The following H6PD variants were observed in gnomAD, a reference collection of about 807,000 sequenced individuals.
The protein encoded by H6PD is GDH/6PGL endoplasmic bifunctional protein.
H6PD carries 48 observed loss-of-function variants against 61.2 expected under a neutral mutation model. The observed-to-expected ratio is 0.78, with a 90% CI of 0.62 to 1.00. The LOEUF is 1.00. H6PD is among the 50% of genes least tolerant of loss of function. H6PD has a pLI of 0.00. For missense variants in H6PD, 1,093 were observed against 1,065.0 expected (o/e 1.03, Z -0.37); for synonymous variants, 480 against 457.9 (o/e 1.05, Z -0.62).
intron 3 of H6PD, among the ~76,000 whole-genome samples, chr1:9,248,846 C>G (rs1306185800): frequency 1.3e-5 from 2 of 152,218 alleles, no homozygotes; most frequent in African/African-American, 4.8e-5. Context: ...CTCAGGGAAT[C>G]GTCCTCCAGC....
intron 3 of H6PD, among the ~76,000 whole-genome samples, chr1:9,257,815 G>A (rs1405040160): frequency 6.6e-6 from 1 of 152,238 alleles, no homozygotes; most frequent in Non-Finnish European, 1.5e-5. Context: ...TTTGAGAAAT[G>A]ATGGCTCCTC....
At position 9,269,178 on chromosome 1, in the gene H6PD, G is replaced by A. The variant is rs1638670619; in HGVS notation, c.*4309G>A. ...AGACTCTGCAAATGAGACTCCAGAG[G>A]GTGAAGATCTGCGGTCTCCAGACAT... On this transcript the variant is annotated 3_prime_UTR_variant, in exon 5 of 5. Transcript: ENST00000377403. This position sits in a 1 kb window ranked among gnomAD's most constrained non-coding sequence, Gnocchi z 4.3. The A allele has an allele frequency of 6.6e-6, 1 of 152,242 alleles. No individual in the cohort carries two copies. Among genetic ancestry groups the A allele is most frequent in the Admixed American group, 6.5e-5 (1 of 15,290 alleles). The allele number at this position is 152,242 out of a possible 1,614,324, so 9.4% of individuals were successfully genotyped here.
intron 3 of H6PD, among the ~76,000 whole-genome samples, chr1:9,261,781 C>T (rs1309044208): frequency 1.3e-5 from 2 of 152,246 alleles, no homozygotes; most frequent in African/African-American, 4.8e-5. Context: ...CTGGCCTTTG[C>T]TGGGAATAGA....
At chr1:9,253,409 C>T (rs1641428867) in intron 3 of H6PD, among the ~76,000 whole-genome samples, 1 of 152,094 alleles carries the variant, frequency 6.6e-6, no homozygotes, top group African/African-American at 2.4e-5. Flanking sequence ...TGTTGTGTTC[C>T]CTTCATCAAA....
At position 9,245,631 on chromosome 1, in the gene H6PD, G is replaced by T. The variant is rs369633008; in HGVS notation, c.627+70G>T. On this transcript the variant is annotated intron_variant, in intron 2 of 4. Coordinates refer to ENST00000377403, the MANE Select transcript of H6PD (RefSeq NM_004285.4). This position sits in a 1 kb window ranked among gnomAD's most constrained non-coding sequence, Gnocchi z 4.8. Reference sequence around the variant, plus strand: ...GCTGGTAGACCCCAGCAACAAAGCCGCTCGCTCATTGTGGAGCTAGGCCCC... The same window carrying T: ...GCTGGTAGACCCCAGCAACAAAGCCTCTCGCTCATTGTGGAGCTAGGCCCC... 1.4e-6 allele frequency: 2 copies of T among 1,471,564 alleles called. No individual in the cohort carries two copies. The highest frequency in any genetic ancestry group is 9.5e-7 in the Non-Finnish European group (1 of 1,055,264). The allele number at this position is 1,471,564 out of a possible 1,614,324, so 91.2% of individuals were successfully genotyped here. A position where few individuals can be genotyped will look rare whatever the true frequency, so the allele number is the denominator to read the frequency against.
chr1:9,252,275 T>C (rs1641390410), intron 3 of H6PD, among the ~76,000 whole-genome samples: 1 of 152,228 alleles, frequency 6.6e-6, no homozygotes, highest in African/African-American at 2.4e-5. Context: ...TACTTAAATC[T>C]CTATGTATTA....
chr1:9,245,307 G>A lies in H6PD; in HGVS notation c.373G>A (p.Glu125Lys), dbSNP rs772471798. The A allele has an allele frequency of 5.4e-5, 87 of 1,614,122 alleles. 1 individual carries two copies. The East Asian group carries it at 1.5e-3, about 28-fold the overall frequency. ...CTATCAGGCCCTGAACAAGGACATC[G>A]AGGCACAGCTCCAGCACGCAGGCCT... ...EDYQALNKDI[E>K]AQLQHAGLRE... The change falls in exon 2 of 5, where the codon GAG becomes AAG. Residue 125 changes from glutamate to lysine, a missense_variant. Glu to Lys is a moderately conservative substitution (Grantham distance 56). Coordinates refer to ENST00000377403, the MANE Select transcript of H6PD (RefSeq NM_004285.4). This position sits in a 1 kb window ranked among gnomAD's most constrained non-coding sequence, Gnocchi z 4.8.
intron 1 of H6PD, among the ~76,000 whole-genome samples, chr1:9,241,958 A>C (rs1641011807): frequency 6.6e-6 from 1 of 152,208 alleles, no homozygotes; most frequent in Non-Finnish European, 1.5e-5. Flanking sequence ...GCACACGCCG[A>C]CTACTTGGTT....
intron 1 of H6PD, among the ~76,000 whole-genome samples, chr1:9,235,982 G>C (rs1156249421): frequency 6.6e-6 from 1 of 152,140 alleles, no homozygotes; most frequent in Non-Finnish European, 1.5e-5. Context: ...ATGAAAAGCT[G>C]TCTGAGTTTT....
At chr1:9,242,294 A>G (rs1641020993) in intron 1 of H6PD, among the ~76,000 whole-genome samples, 1 of 152,152 alleles carries the variant, frequency 6.6e-6, no homozygotes, top group African/African-American at 2.4e-5. Context: ...GATCCCCAGG[A>G]AATTCAAATG....
chr1:9,248,208 C>T (rs1050974319), intron 3 of H6PD, among the ~76,000 whole-genome samples: 5 of 152,268 alleles, frequency 3.3e-5, no homozygotes, highest in Admixed American at 1.3e-4. Context: ...GTGCCCGCCA[C>T]AGGGCAGGGC....
chr1:9,265,224 G>A lies in H6PD; in HGVS notation c.*355G>A, dbSNP rs918461418. The A allele has an allele frequency of 3.3e-5, 13 of 393,868 alleles. No homozygotes were observed. The highest frequency in any genetic ancestry group is 4.8e-5 in the Non-Finnish European group (10 of 206,310). 24.4% of individuals were successfully genotyped at this position (393,868 alleles called of 1,614,324 possible). On this transcript the variant is annotated 3_prime_UTR_variant, in exon 5 of 5. Coordinates refer to ENST00000377403, the MANE Select transcript of H6PD (RefSeq NM_004285.4). Reference sequence around the variant, plus strand: ...CGGCGTTCACAAGAGGAGACGTGACGTGGTGGGCTGAGGTTAATCAGGGAA... The same window carrying A: ...CGGCGTTCACAAGAGGAGACGTGACATGGTGGGCTGAGGTTAATCAGGGAA...
chr1:9,259,068 T>C (rs1047641881), intron 3 of H6PD, among the ~76,000 whole-genome samples: 2 of 152,224 alleles, frequency 1.3e-5, no homozygotes, highest in Non-Finnish European at 2.9e-5. Context: ...CTCAGCTCAC[T>C]GCAAGCTCTG....
intron 3 of H6PD, among the ~76,000 whole-genome samples, chr1:9,257,941 C>T (rs1326418682): frequency 8.5e-5 from 13 of 152,270 alleles, no homozygotes; most frequent in Admixed American, 7.2e-4. Flanking sequence ...CCTGTATATT[C>T]GAGTCACCGA....
At chr1:9,252,030 C>T (rs1641381125) in intron 3 of H6PD, among the ~76,000 whole-genome samples, 2 of 152,020 alleles carry the variant, frequency 1.3e-5, no homozygotes, top group South Asian at 2.1e-4. Context: ...CTCTCTCTCT[C>T]GGGTAGTTCT....
rs147469469 is a variant in H6PD, at chr1:9,264,045, G to A, written c.1552G>A (p.Gly518Ser). Residue 518 changes from glycine to serine, a missense_variant, in exon 5 of 5, where the codon GGC becomes AGC. Gly to Ser is a moderately conservative substitution (Grantham distance 56). Coordinates refer to ENST00000377403, the MANE Select transcript of H6PD (RefSeq NM_004285.4). ...GRLLDFEFSS[G>S]RLFFSQQQPE... ...TCTGTTGGACTTTGAGTTCAGTAGC[G>A]GCCGGTTGTTCTTTTCCCAGCAGCA... 279 of 1,614,198 alleles carry A rather than the reference G, an allele frequency of 1.7e-4. 1 individual carries two copies. Among genetic ancestry groups the A allele is most frequent in the Middle Eastern group, 3.3e-4 (2 of 6,062 alleles).
At position 9,264,761 on chromosome 1, in the gene H6PD, G is replaced by A. The variant is rs144766765; in HGVS notation, c.2268G>A (p.Thr756=). 119 of 1,613,016 alleles carry A rather than the reference G, an allele frequency of 7.4e-5. No homozygotes were observed. In the Admixed American group the frequency reaches 7.8e-4, roughly 11 times the overall value. ...GCAGGATGAAGCGTGAGATCACCAC[G>A]CTGGTGAGCCGGGTGGGCCATGAGC... ...VMGRMKREIT[T]LVSRVGHEPK... Residue 756 remains threonine, a synonymous_variant, in exon 5 of 5, where the codon ACG becomes ACA. Transcript: ENST00000377403.
chr1:9,262,918 G>A (rs760129162), intron 4 of H6PD, among the ~76,000 whole-genome samples: 10 of 152,176 alleles, frequency 6.6e-5, no homozygotes, highest in South Asian at 4.1e-4. Context: ...GTGAGGAAAC[G>A]TAAGGCTCGG....
At position 9,245,363 on chromosome 1, in the gene H6PD, A is replaced by G. The variant is rs2100329122; in HGVS notation, c.429A>G (p.Ser143=). ...LREAGRIFYF[S]VPPFAYEDIA... ...AGGCTGGCAGGATCTTCTACTTCTC[A>G]GTGCCACCCTTCGCCTATGAAGACA... Residue 143 remains serine, a synonymous_variant, in exon 2 of 5, where the codon TCA becomes TCG. Transcript: ENST00000377403. The surrounding 1 kb of genome is among the most constrained non-coding windows in gnomAD (Gnocchi z 4.8). 1 of 1,614,090 alleles carries G rather than the reference A, an allele frequency of 6.2e-7. No individual in the cohort carries two copies. The highest frequency in any genetic ancestry group is 8.5e-7 in the Non-Finnish European group (1 of 1,179,954).
Sources: allele counts gnomAD v4.1 joint callset (sites outside exome capture counted in the v4.1 genomes callset), GRCh38; gene constraint gnomAD v4.1.1; non-coding constraint Gnocchi (gnomAD v3.1); transcripts MANE v1.5; gene names NCBI Gene and HGNC (gene_info 2026-07-23, HGNC 2026-07-21).